The following DGKB variants were observed in gnomAD, a reference collection of about 807,000 sequenced individuals.
The protein encoded by DGKB is diacylglycerol kinase beta.
Under a neutral mutation model 114.3 loss-of-function variants are expected in DGKB, and 67 were observed. The ratio of observed to expected loss-of-function variants is 0.59; its 90% confidence interval spans 0.48 to 0.72. DGKB has a LOEUF of 0.72. DGKB is among the 30% of genes least tolerant of loss of function. DGKB has a pLI of 0.00. For missense variants in DGKB, 907 were observed against 975.2 expected, an observed-to-expected ratio of 0.93 and a Z score of 0.93; for synonymous variants, 398 against 323.1, an observed-to-expected ratio of 1.23 and a Z score of -2.49.
At chr7:14,274,030 C>G (rs1295224230) in intron 23 of DGKB, among the ~76,000 whole-genome samples, 2 of 152,152 alleles carry the variant, frequency 1.3e-5, no homozygotes, top group African/African-American at 4.8e-5. Flanking sequence ...GACCTCATGA[C>G]AAATGTCCCT....
intron 23 of DGKB, among the ~76,000 whole-genome samples, chr7:14,272,035 AT>A (rs1403579717): frequency 6.6e-6 from 1 of 152,180 alleles, no homozygotes; most frequent in Non-Finnish European, 1.5e-5. Flanking sequence ...TTTCCTTGAT[AT>A]TTTGATTTAA....
chr7:14,462,924 C>T (rs1345178278), intron 21 of DGKB, among the ~76,000 whole-genome samples: 2 of 152,030 alleles, frequency 1.3e-5, no homozygotes, highest in African/African-American at 4.8e-5. Flanking sequence ...ACATAGGCCT[C>T]AGGAATAATG....
chr7:14,840,628 CCT>C (rs991281575), intron 2 of DGKB, among the ~76,000 whole-genome samples: 6 of 151,570 alleles, frequency 4.0e-5, no homozygotes, highest in African/African-American at 1.5e-4. Context: ...GGTCCTGACA[CCT>C]CTTTCTTTTA....
chr7:14,489,790 G>A (rs1290605142), intron 20 of DGKB, among the ~76,000 whole-genome samples: 1 of 152,072 alleles, frequency 6.6e-6, no homozygotes, highest in Non-Finnish European at 1.5e-5. Context: ...TGGACACAAA[G>A]GAGGAGGGGA....
intron 13 of DGKB, among the ~76,000 whole-genome samples, chr7:14,647,630 T>A (rs56300732): frequency 1.4e-4 from 21 of 151,582 alleles, no homozygotes; most frequent in Admixed American, 6.6e-4. Context: ...AGATAATTCA[T>A]GGGGGAGGAG....
chr7:14,397,131 A>G (rs536528816), intron 21 of DGKB, among the ~76,000 whole-genome samples: 5 of 152,146 alleles, frequency 3.3e-5, no homozygotes, highest in Non-Finnish European at 7.4e-5. Flanking sequence ...GCAATTTTAC[A>G]TAGGTAGACA....
chr7:14,632,693 A>G (rs1412588837), intron 13 of DGKB, among the ~76,000 whole-genome samples: 1 of 151,824 alleles, frequency 6.6e-6, no homozygotes, highest in Non-Finnish European at 1.5e-5. Flanking sequence ...GGTGGGAGAG[A>G]AATAAGGAGC....
At chr7:14,816,639 A>T (rs1586698540) in intron 2 of DGKB, 1 of 152,208 alleles carries the variant, frequency 6.6e-6, no homozygotes, top group African/African-American at 2.4e-5. Context: ...GTTGAAAAAA[A>T]TAGCAAAAAC....
chr7:14,623,263 C>T lies in DGKB; in HGVS notation c.1168-1769G>A, dbSNP rs145292938. On this transcript the variant is annotated intron_variant, in intron 14 of 25. Coordinates refer to ENST00000402815, the MANE Select transcript of DGKB (RefSeq NM_001350709.2). ...GGTGCTTAAGTGCTTTAGTGCCACA[C>T]ATTTCCTATCACTTACTCAGCTATA... 6.4e-3 allele frequency among the ~76,000 whole-genome samples: 980 copies of T among 152,300 alleles called. 7 individuals are homozygous for T. The highest frequency in any genetic ancestry group is 0.01 in the Non-Finnish European group (682 of 68,016).
At chr7:14,284,115 T>A (rs1449313524) in intron 23 of DGKB, among the ~76,000 whole-genome samples, 1 of 152,046 alleles carries the variant, frequency 6.6e-6, no homozygotes, top group Admixed American at 6.6e-5. Flanking sequence ...AACCTGCTCA[T>A]CTGACAAAGG....
At chr7:14,268,603 A>T (rs2128426793) in intron 23 of DGKB, among the ~76,000 whole-genome samples, 1 of 152,302 alleles carries the variant, frequency 6.6e-6, no homozygotes, top group African/African-American at 2.4e-5. Context: ...AGAAATGAAT[A>T]AAAGAAATAT....
At chr7:14,935,629 A>G (rs1389684818) in intron 1 of DGKB, among the ~76,000 whole-genome samples, 1 of 152,172 alleles carries the variant, frequency 6.6e-6, no homozygotes, top group Non-Finnish European at 1.5e-5. Context: ...TTCAATGTAT[A>G]TACATGCAGA....
intron 20 of DGKB, among the ~76,000 whole-genome samples, chr7:14,483,078 T>C (rs1783225840): frequency 6.6e-6 from 1 of 152,132 alleles, no homozygotes; most frequent in Non-Finnish European, 1.5e-5. Context: ...TTTCTATCTC[T>C]TCATAAATTA....
At chr7:14,233,076 AAG>A (rs1452649719) in intron 23 of DGKB, among the ~76,000 whole-genome samples, 2 of 152,068 alleles carry the variant, frequency 1.3e-5, no homozygotes, top group Admixed American at 1.3e-4. Flanking sequence ...TGGTTGCAAA[AAG>A]AGAGTAATTT....
intron 1 of DGKB, among the ~76,000 whole-genome samples, chr7:14,900,108 C>T (rs1782773390): frequency 6.6e-6 from 1 of 152,178 alleles, no homozygotes. Context: ...CCCACTACTA[C>T]TCATTCGTTG....
rs912153190 is a variant in DGKB at position 14,621,457 on chromosome 7, G to C, written c.1205C>G (p.Ser402Cys). ...QSTVKKEKSG[S>C]QQPNKVIDKN... ...GTCAATCACTTTGTTTGGCTGCTGG[G>C]AACCACTCTTTTCCTTTTTCACTGT... The change falls in exon 15 of 26, where the codon TCC becomes TGC. Residue 402 changes from serine (S) to cysteine (C), a missense_variant. Coordinates refer to ENST00000402815, the MANE Select transcript of DGKB (RefSeq NM_001350709.2). 3.1e-6 allele frequency: 5 copies of C among 1,610,068 alleles called. No homozygotes were observed. The African/African-American group carries it at 6.7e-5, about 22-fold the overall frequency.
At chr7:14,237,353 CTTCT>C (rs1333017678) in intron 23 of DGKB, among the ~76,000 whole-genome samples, 2 of 151,564 alleles carry the variant, frequency 1.3e-5, no homozygotes, top group East Asian at 1.9e-4. Flanking sequence ...TCTTTCCTTC[CTTCT>C]ATTACTTTTG....
intron 2 of DGKB, among the ~76,000 whole-genome samples, chr7:14,818,206 T>C (rs1463532738): frequency 6.6e-6 from 1 of 152,258 alleles, no homozygotes; most frequent in Non-Finnish European, 1.5e-5. Flanking sequence ...TTCAAAAACA[T>C]CAAGGGCCAT....
At chr7:14,492,007 T>G (rs1011698207) in intron 20 of DGKB, among the ~76,000 whole-genome samples, 4 of 152,056 alleles carry the variant, frequency 2.6e-5, no homozygotes, top group Admixed American at 6.6e-5. Flanking sequence ...AAACTAGTAT[T>G]TGAAAGAGAA....
Sources: gnomAD v4.1 joint callset for allele counts (sites outside exome capture counted in the v4.1 genomes callset) on GRCh38, gnomAD v4.1.1 for gene constraint, MANE v1.5 for transcripts, NCBI Gene and HGNC (gene_info 2026-07-23, HGNC 2026-07-21) for gene names.